SLC25A29: variants seen among roughly 807,000 people sequenced by gnomAD.
SLC25A29 encodes mitochondrial basic amino acids transporter.
SLC25A29 carries 13 observed loss-of-function variants against 10.0 expected under a neutral mutation model. The observed-to-expected ratio is 1.30, with a 90% confidence interval of 0.85 to 2.07. The LOEUF (loss-of-function observed/expected upper bound fraction) is 2.07. SLC25A29 is among the 30% of genes most tolerant of loss of function. The pLI is 0.00. For synonymous variants in SLC25A29, 244 were observed against 221.1 expected (o/e 1.10, Z -0.92); for missense variants, 475 against 447.6 (o/e 1.06, Z -0.55).
intron 2 of SLC25A29, 118 bp downstream of exon 2, chr14:100,298,724 G>T (rs919768240): frequency 1.6e-6 from 2 of 1,289,270 alleles, no homozygotes; most frequent in Non-Finnish European, 2.3e-6. Context: ...ACCCGGCCTG[G>T]TGTAAAAGCA....
At chr14:100,280,991 C>T in the SLC25A29 span, 1 of 128,168 alleles carries the variant, frequency 7.8e-6, no homozygotes. Flanking sequence ...ACCCGGGAGG[C>T]GGAGCTTGCA....
chr14:100,293,199 C>T (rs1442641374), intron 3 of SLC25A29, 95 bp downstream of exon 3: 1 of 1,506,506 alleles, frequency 6.6e-7, no homozygotes, highest in East Asian at 2.4e-5. Flanking sequence ...CGTCCTGACA[C>T]CTTCCTTCCT....
At chr14:100,297,442 G>T (rs1270191160) in intron 2 of SLC25A29, among the ~76,000 whole-genome samples, 3 of 152,206 alleles carry the variant, frequency 2.0e-5, no homozygotes, top group Non-Finnish European at 2.9e-5. Context: ...AGCTCAGAGA[G>T]CCCAGGCCTC....
intron 2 of SLC25A29, chr14:100,296,054 G>A (rs374233290): frequency 5.1e-5 from 65 of 1,272,026 alleles, no homozygotes; most frequent in Non-Finnish European, 5.9e-5. Flanking sequence ...GTGACAGTAC[G>A]GACTGACACA....
the SLC25A29 span, chr14:100,279,893 G>A: frequency 6.6e-6 from 1 of 152,348 alleles, no homozygotes; most frequent in Non-Finnish European, 1.5e-5. Flanking sequence ...TGGCCTGCAG[G>A]AGCCAGGCTC....
chr14:100,295,948 C>T lies in SLC25A29; in HGVS notation c.79-2571G>A, dbSNP rs551711131. ...TCAGGACGGTGGCTGTGGTTCTGGG[C>T]GCTATAGAGGAGATCCAGATCTTGG... On this transcript the variant is annotated intron_variant, in intron 2 of 3. Transcript: ENST00000359232. The T allele has an allele frequency of 4.3e-5, 55 of 1,289,632 alleles. 1 individual carries two copies. In the South Asian group the frequency reaches 5.4e-4, roughly 13 times the overall value. The allele number at this position is 1,289,632 out of a possible 1,614,324, so 79.9% of individuals were successfully genotyped here.
the SLC25A29 span, chr14:100,282,023 A>C: frequency 1.3e-5 from 2 of 152,170 alleles, no homozygotes; most frequent in African/African-American, 2.4e-5. Flanking sequence ...CCCCTTGTAA[A>C]ATCTGGAATG....
downstream of SLC25A29, among the ~76,000 whole-genome samples, chr14:100,286,942 C>T (rs190481995): frequency 5.2e-4 from 79 of 152,360 alleles, no homozygotes; most frequent in African/African-American, 1.8e-3. Flanking sequence ...GACAGGGACC[C>T]TCCCCAACTG....
intron 2 of SLC25A29, chr14:100,295,959 A>C (rs1055595460): frequency 1.6e-6 from 2 of 1,289,608 alleles, no homozygotes; most frequent in Non-Finnish European, 2.0e-6. Flanking sequence ...GCTATAGAGG[A>C]GATCCAGATC....
At chr14:100,293,236 C>A in intron 3 of SLC25A29, 58 bp downstream of exon 3, 3 of 1,577,784 alleles carry the variant, frequency 1.9e-6, no homozygotes, top group South Asian at 1.1e-5. Context: ...GTGGTGGCAG[C>A]CCGGAAGCTA....
intron 2 of SLC25A29, chr14:100,296,031 AG>A (rs1892124541): frequency 1.6e-6 from 2 of 1,285,992 alleles, no homozygotes; most frequent in African/African-American, 1.5e-5. Context: ...GCCATGAGAT[AG>A]TCTGTGGCCA....
chr14:100,280,425 C>CT, the SLC25A29 span: 2 of 152,064 alleles, frequency 1.3e-5, no homozygotes, highest in African/African-American at 2.4e-5. Context: ...TTTTGAATTT[C>CT]TTATTATTTC....
At chr14:100,300,143 T>C (rs1595367387) in intron 1 of SLC25A29, among the ~76,000 whole-genome samples, 1 of 152,054 alleles carries the variant, frequency 6.6e-6, no homozygotes, top group Non-Finnish European at 1.5e-5. Context: ...TGGTGGCGGG[T>C]GCCTATAGTC....
intron 1 of SLC25A29, chr14:100,299,362 C>T: frequency 2.0e-6 from 2 of 1,014,652 alleles, no homozygotes; most frequent in Non-Finnish European, 2.4e-6. Flanking sequence ...GTCTCTGGGC[C>T]TCACTCTGGG....
At position 100,292,627 on chromosome 14, in the gene SLC25A29, G is replaced by C. The variant is rs1891809420; in HGVS notation, c.568C>G (p.Pro190Ala). The change falls in exon 4 of 4, where the codon CCC becomes GCC. Residue 190 changes from proline to alanine, a missense_variant. Physicochemically the swap from Pro to Ala is conservative, Grantham distance 27 (BLOSUM62 -1). Coordinates refer to ENST00000359232, the MANE Select transcript of SLC25A29 (RefSeq NM_001039355.3). ...GCEPGDRLLV[P>A]KLLLAGGTSG... is the part of the protein sequence containing the mutation. ...GTACCGCCCGCCAACAGCAGCTTGG[G>C]CACCAGCAGGCGGTCGCCCGGCTCG... 1.2e-6 allele frequency: 2 copies of C among 1,602,440 alleles called. No homozygotes were observed. The highest frequency in any genetic ancestry group is 1.7e-6 in the Non-Finnish European group (2 of 1,175,704).
chr14:100,285,524 C>T, the SLC25A29 span, among the ~76,000 whole-genome samples: 1 of 151,774 alleles, frequency 6.6e-6, no homozygotes, highest in Non-Finnish European at 1.5e-5. Context: ...GGACCCGAGG[C>T]GCGGTGGGGG....
chr14:100,292,964 G>A lies in SLC25A29; in HGVS notation c.231C>T (p.Phe77=), dbSNP rs560534824. The A allele has an allele frequency of 1.8e-5, 29 of 1,601,904 alleles. No homozygotes were observed. The highest frequency in any genetic ancestry group is 4.0e-5 in the African/African-American group (3 of 74,828). The change falls in exon 4 of 4, where the codon TTC becomes TTT. Residue 77 remains phenylalanine (F), a synonymous_variant. Transcript: ENST00000359232. ...MGLTFINALV[F]GVQGNTLRAL... is the part of the protein sequence containing the mutation. Reference sequence around the variant, plus strand: ...CCCGGAGGGTGTTGCCCTGCACCCCGAACACCAGCGCGTTGATGAAGGTGA... The same window carrying A: ...CCCGGAGGGTGTTGCCCTGCACCCCAAACACCAGCGCGTTGATGAAGGTGA...
intron 1 of SLC25A29, chr14:100,300,025 C>A (rs570045925): frequency 1.1e-6 from 1 of 943,802 alleles, no homozygotes; most frequent in African/African-American, 1.8e-5. Flanking sequence ...AATCCCAGCA[C>A]TTTGGGAGGC....
At position 100,291,828 on chromosome 14, in the gene SLC25A29, G is replaced by T. The variant is rs1438717602; in HGVS notation, c.*455C>A. 4.2e-6 allele frequency: 1 copy of T among 236,814 alleles called. No homozygotes were observed. Among genetic ancestry groups the T allele is most frequent in the Non-Finnish European group, 8.3e-6 (1 of 119,972 alleles). The allele number at this position is 236,814 out of a possible 1,614,324, so 14.7% of individuals were successfully genotyped here. On this transcript the variant is annotated 3_prime_UTR_variant, in exon 4 of 4. Transcript: ENST00000359232. Reference sequence around the variant, plus strand: ...TCTGTCCCTAACACAGACCAGAGGGGTGGCCCACCACCCCCCCGGGTGGAG... The same window carrying T: ...TCTGTCCCTAACACAGACCAGAGGGTTGGCCCACCACCCCCCCGGGTGGAG...
Sources: gnomAD v4.1 joint callset for allele counts (sites outside exome capture counted in the v4.1 genomes callset) on GRCh38, gnomAD v4.1.1 for gene constraint, MANE v1.5 for transcripts, NCBI Gene and HGNC (gene_info 2026-07-23, HGNC 2026-07-21) for gene names.